TYR: variants seen among roughly 807,000 people sequenced by gnomAD.
The protein encoded by TYR is tyrosinase.
A neutral mutation model predicts 51.5 loss-of-function variants in TYR; 58 were observed. The observed-to-expected ratio is 1.13, with a 90% CI of 0.91 to 1.40. TYR has a LOEUF of 1.40. Among genes scored for constraint, TYR ranks in the 40% most tolerant of loss-of-function variants. TYR has a pLI of 0.00. For synonymous variants in TYR, 263 were observed against 235.2 expected, an observed-to-expected ratio of 1.12 and a Z score of -1.08; for missense variants, 732 against 647.4, an observed-to-expected ratio of 1.13 and a Z score of -1.42.
At chr11:89,215,099 A>G (rs1943814799) in intron 2 of TYR, among the ~76,000 whole-genome samples, 3 of 152,192 alleles carry the variant, frequency 2.0e-5, no homozygotes, top group South Asian at 2.1e-4. Flanking sequence ...TCTAGTGAGG[A>G]GAAGCATAAG....
At chr11:89,235,925 C>T (rs1944104075) in intron 3 of TYR, among the ~76,000 whole-genome samples, 1 of 152,052 alleles carries the variant, frequency 6.6e-6, no homozygotes, top group African/African-American at 2.4e-5. Context: ...ATATCAGCAT[C>T]ACATTATGCC....
intron 3 of TYR, among the ~76,000 whole-genome samples, chr11:89,257,184 T>C (rs190120490): frequency 2.0e-5 from 3 of 152,050 alleles, no homozygotes; most frequent in Admixed American, 2.0e-4. Context: ...GCTTACACAT[T>C]CTCAGCCCCA....
chr11:89,268,981 C>A (rs527859669), intron 3 of TYR, among the ~76,000 whole-genome samples: 19 of 152,080 alleles, frequency 1.2e-4, no homozygotes, highest in African/African-American at 4.6e-4. Context: ...CTGCTGTAAT[C>A]CCATAGGCTT....
intron 2 of TYR, among the ~76,000 whole-genome samples, chr11:89,213,513 C>T (rs1943790177): frequency 6.6e-6 from 1 of 152,050 alleles, no homozygotes; most frequent in Non-Finnish European, 1.5e-5. Flanking sequence ...TCATACTGCC[C>T]AAAATAATTT....
intron 3 of TYR, among the ~76,000 whole-genome samples, chr11:89,274,945 T>A (rs1311946920): frequency 6.6e-6 from 1 of 151,750 alleles, no homozygotes; most frequent in Non-Finnish European, 1.5e-5. Context: ...GTGGCCCTCC[T>A]CAGGAGGGTA....
At chr11:89,219,786 T>G (rs1331871659) in intron 2 of TYR, among the ~76,000 whole-genome samples, 6 of 151,904 alleles carry the variant, frequency 3.9e-5, no homozygotes, top group Admixed American at 1.3e-4. Context: ...TGCCCTGGAG[T>G]CCTGTGATAG....
intron 3 of TYR, among the ~76,000 whole-genome samples, chr11:89,257,181 C>T (rs1442657808): frequency 5.3e-5 from 8 of 151,974 alleles, no homozygotes; most frequent in African/African-American, 1.9e-4. Context: ...GCAGCTTACA[C>T]ATTCTCAGCC....
chr11:89,207,801 T>C (rs1008284643), intron 2 of TYR, among the ~76,000 whole-genome samples: 1 of 152,228 alleles, frequency 6.6e-6, no homozygotes, highest in Non-Finnish European at 1.5e-5. Flanking sequence ...TGCTTCAATA[T>C]GTAAATATTC....
chr11:89,237,808 C>T (rs1434574411), intron 3 of TYR, among the ~76,000 whole-genome samples: 1 of 151,664 alleles, frequency 6.6e-6, no homozygotes, highest in Non-Finnish European at 1.5e-5. Context: ...TTCTTTCTTC[C>T]AAATTTTGTA....
chr11:89,219,500 G>A (rs556741511), intron 2 of TYR, among the ~76,000 whole-genome samples: 3 of 151,832 alleles, frequency 2.0e-5, no homozygotes, highest in Admixed American at 1.3e-4. Context: ...TGTTGGCCAG[G>A]CTGGTTTTGA....
At chr11:89,268,947 C>G (rs1184947945) in intron 3 of TYR, among the ~76,000 whole-genome samples, 2 of 151,986 alleles carry the variant, frequency 1.3e-5, no homozygotes, top group Admixed American at 6.6e-5. Context: ...ACCACTTTCT[C>G]GTTTCCCATC....
At chr11:89,262,846 C>CTAAAAAAAAAAAAAAAAAAA (rs1186728580) in intron 3 of TYR, among the ~76,000 whole-genome samples, 1 of 34,218 alleles carries the variant, frequency 2.9e-5, no homozygotes, top group Non-Finnish European at 4.5e-5. Flanking sequence ...AGCTACTCAT[C>CTAAAAAAAAAAAAAAAAAAA]CAAAAAAAAA....
chr11:89,225,212 T>A (rs1380210579), intron 2 of TYR, among the ~76,000 whole-genome samples: 1 of 151,988 alleles, frequency 6.6e-6, no homozygotes, highest in Non-Finnish European at 1.5e-5. Context: ...GATGTATGTA[T>A]ACATTGGGAA....
intron 3 of TYR, among the ~76,000 whole-genome samples, chr11:89,271,206 G>A (rs1944584935): frequency 6.6e-6 from 1 of 151,748 alleles, no homozygotes; most frequent in Non-Finnish European, 1.5e-5. Context: ...CATTAATTCA[G>A]TTAATGCTAA....
At chr11:89,288,679 G>A (rs1043834921) in intron 4 of TYR, among the ~76,000 whole-genome samples, 8 of 152,012 alleles carry the variant, frequency 5.3e-5, no homozygotes, top group African/African-American at 1.2e-4. Flanking sequence ...TGAGGCAGGA[G>A]GTTCTCTTAA....
At chr11:89,215,097 G>A (rs568367084) in intron 2 of TYR, among the ~76,000 whole-genome samples, 2 of 152,026 alleles carry the variant, frequency 1.3e-5, no homozygotes, top group Non-Finnish European at 2.9e-5. Flanking sequence ...ATTCTAGTGA[G>A]GAGAAGCATA....
chr11:89,264,843 T>C (rs1944507443), intron 3 of TYR, among the ~76,000 whole-genome samples: 2 of 151,994 alleles, frequency 1.3e-5, no homozygotes, highest in African/African-American at 2.4e-5. Flanking sequence ...ATGTTATTTA[T>C]ATATCTAAGA....
intron 3 of TYR, among the ~76,000 whole-genome samples, chr11:89,257,711 T>C (rs868582291): frequency 2.0e-5 from 3 of 151,820 alleles, no homozygotes; most frequent in African/African-American, 7.3e-5. Context: ...ATTTATGTAT[T>C]TTTTTTACTA....
chr11:89,258,272 A>G (rs1944418430), intron 3 of TYR, among the ~76,000 whole-genome samples: 1 of 152,030 alleles, frequency 6.6e-6, no homozygotes, highest in Admixed American at 6.6e-5. Flanking sequence ...AAAGTAGTGA[A>G]GGAGAAAAAT....
Sources: allele counts gnomAD v4.1 joint callset (sites outside exome capture counted in the v4.1 genomes callset), GRCh38; gene constraint gnomAD v4.1.1; transcripts MANE v1.5; gene names NCBI Gene and HGNC (gene_info 2026-07-23, HGNC 2026-07-21).